The following SIPA1L1 variants were observed in gnomAD, a reference collection of about 807,000 sequenced individuals.
The protein encoded by SIPA1L1 is signal induced proliferation associated 1 like 1.
Under a neutral mutation model 162.7 loss-of-function variants are expected in SIPA1L1, and 26 were observed. The ratio of observed to expected loss-of-function variants is 0.16; its 90% CI spans 0.12 to 0.22. The LOEUF (loss-of-function observed/expected upper bound fraction) is 0.22, where lower values mean the gene tolerates loss of function less well. SIPA1L1 is among the 10% of genes least tolerant of loss of function. SIPA1L1 has a pLI of 1.00. For missense variants in SIPA1L1, 1,874 were observed against 2,241.0 expected, an observed-to-expected ratio of 0.84 and a Z score of 3.31; for synonymous variants, 829 against 837.4, an observed-to-expected ratio of 0.99 and a Z score of 0.17.
At chr14:71,511,710 G>A (rs1320262205) in intron 2 of SIPA1L1, among the ~76,000 whole-genome samples, 3 of 152,140 alleles carry the variant, frequency 2.0e-5, no homozygotes, top group Non-Finnish European at 4.4e-5. Flanking sequence ...GATGACTAGT[G>A]GTTGAAAACC....
At chr14:71,443,590 T>C (rs931374403) in intron 2 of SIPA1L1, among the ~76,000 whole-genome samples, 5 of 152,172 alleles carry the variant, frequency 3.3e-5, no homozygotes, top group African/African-American at 1.2e-4. Context: ...AACCAACAAG[T>C]GTGCTTCCAG....
intron 2 of SIPA1L1, among the ~76,000 whole-genome samples, chr14:71,418,855 G>A (rs957372154): frequency 6.6e-6 from 1 of 152,152 alleles, no homozygotes; most frequent in Non-Finnish European, 1.5e-5. Context: ...CCACGTTCTG[G>A]AGCTTTTGGT....
At chr14:71,354,633 G>T (rs369938208) in intron 2 of SIPA1L1, among the ~76,000 whole-genome samples, 51 of 152,050 alleles carry the variant, frequency 3.4e-4, no homozygotes, top group Admixed American at 1.1e-3. Context: ...TGCAATCAGA[G>T]GACACATATG....
chr14:71,482,718 T>C (rs554174024), intron 2 of SIPA1L1, among the ~76,000 whole-genome samples: 2 of 152,320 alleles, frequency 1.3e-5, no homozygotes, highest in African/African-American at 4.8e-5. Flanking sequence ...AATGATCTTA[T>C]GGAGATGAGT....
At chr14:71,658,076 A>G (rs190570236) in intron 8 of SIPA1L1, among the ~76,000 whole-genome samples, 3 of 152,062 alleles carry the variant, frequency 2.0e-5, no homozygotes, top group Non-Finnish European at 4.4e-5. Context: ...CTTCGATATA[A>G]TTTCTTTTGA....
chr14:71,734,980 T>A (rs1288760384), intron 21 of SIPA1L1, among the ~76,000 whole-genome samples: 1 of 152,210 alleles, frequency 6.6e-6, no homozygotes, highest in Admixed American at 6.5e-5. Flanking sequence ...TCTGGAAATT[T>A]GGCACAAGGA....
chr14:71,717,189 C>T (rs1308053651), intron 17 of SIPA1L1, among the ~76,000 whole-genome samples: 3 of 152,194 alleles, frequency 2.0e-5, no homozygotes, highest in South Asian at 4.1e-4. Context: ...TGAGCCACTG[C>T]GCCCGACCTC....
intron 17 of SIPA1L1, among the ~76,000 whole-genome samples, chr14:71,711,197 A>G (rs962157722): frequency 6.6e-5 from 10 of 152,250 alleles, no homozygotes; most frequent in Non-Finnish European, 1.2e-4. Context: ...ATTCTTGAGT[A>G]CTATGTATTC....
chr14:71,666,190 A>C (rs1319880398), intron 10 of SIPA1L1, among the ~76,000 whole-genome samples: 2 of 152,218 alleles, frequency 1.3e-5, no homozygotes, highest in Non-Finnish European at 2.9e-5. Context: ...CCCTAAAAAA[A>C]ATTAAATCTG....
intron 3 of SIPA1L1, among the ~76,000 whole-genome samples, chr14:71,517,510 C>T (rs1261101718): frequency 6.6e-6 from 1 of 152,018 alleles, no homozygotes; most frequent in Non-Finnish European, 1.5e-5. Flanking sequence ...ATATGTGTCT[C>T]CGGGCGACAC....
chr14:71,399,791 G>A (rs561112916), intron 2 of SIPA1L1, among the ~76,000 whole-genome samples: 2 of 151,754 alleles, frequency 1.3e-5, no homozygotes, highest in Admixed American at 6.6e-5. Context: ...GCGCAGTCTC[G>A]ACTCACTGCA....
At chr14:71,716,814 T>C (rs1279616064) in intron 17 of SIPA1L1, among the ~76,000 whole-genome samples, 1 of 152,248 alleles carries the variant, frequency 6.6e-6, no homozygotes, top group Non-Finnish European at 1.5e-5. Flanking sequence ...ACCAGGTTGC[T>C]GTACACGTGA....
At chr14:71,732,534 G>T (rs973373991) in intron 20 of SIPA1L1, among the ~76,000 whole-genome samples, 2 of 152,114 alleles carry the variant, frequency 1.3e-5, no homozygotes, top group African/African-American at 2.4e-5. Flanking sequence ...CAGTGTTCAG[G>T]GTGGCTCACT....
intron 15 of SIPA1L1, chr14:71,704,885 G>A (rs1468925123): frequency 1.3e-6 from 1 of 765,670 alleles, no homozygotes; most frequent in Non-Finnish European, 2.2e-6. Context: ...GGCAATGAAT[G>A]AATTTCATAA....
intron 2 of SIPA1L1, among the ~76,000 whole-genome samples, chr14:71,493,021 C>T (rs527275018): frequency 6.6e-6 from 1 of 152,244 alleles, no homozygotes; most frequent in African/African-American, 2.4e-5. Flanking sequence ...CTCCAATTTC[C>T]AAATCAATTT....
At chr14:71,461,234 G>A (rs571721875) in intron 2 of SIPA1L1, among the ~76,000 whole-genome samples, 19 of 152,282 alleles carry the variant, frequency 1.2e-4, no homozygotes, top group Non-Finnish European at 2.2e-4. Flanking sequence ...TGATCACCCC[G>A]AGGAATGGTG....
chr14:71,603,943 A>ATT (rs1567292864), intron 5 of SIPA1L1, among the ~76,000 whole-genome samples: 1 of 144,326 alleles, frequency 6.9e-6, no homozygotes, highest in Non-Finnish European at 1.5e-5. Flanking sequence ...TTATATATCT[A>ATT]TATATATTTA....
intron 2 of SIPA1L1, among the ~76,000 whole-genome samples, chr14:71,397,675 A>G (rs2041318819): frequency 6.6e-6 from 1 of 152,190 alleles, no homozygotes; most frequent in Non-Finnish European, 1.5e-5. Flanking sequence ...TCCAGTGCCA[A>G]TGCCTCAGTC....
At chr14:71,507,926 G>A (rs906892611) in intron 2 of SIPA1L1, among the ~76,000 whole-genome samples, 1 of 152,150 alleles carries the variant, frequency 6.6e-6, no homozygotes, top group Non-Finnish European at 1.5e-5. Context: ...GCAAACAATG[G>A]CAATGAGTAA....
Sources: allele counts gnomAD v4.1 joint callset (sites outside exome capture counted in the v4.1 genomes callset), GRCh38; gene constraint gnomAD v4.1.1; transcripts MANE v1.5; gene names NCBI Gene and HGNC (gene_info 2026-07-23, HGNC 2026-07-21).